Variants in ROBO1 observed in about 807,000 individuals in gnomAD.
The protein encoded by ROBO1 is roundabout guidance receptor 1.
Under a neutral mutation model 195.9 loss-of-function variants are expected in ROBO1, and 149 were observed. The ratio of observed to expected loss-of-function variants is 0.76; its 90% CI spans 0.67 to 0.87. The LOEUF (loss-of-function observed/expected upper bound fraction) is 0.87. ROBO1 is among the 40% of genes least tolerant of loss of function. ROBO1 has a pLI of 0.00. For missense variants in ROBO1, 1,933 were observed against 2,068.3 expected (o/e 0.93, Z 1.27); for synonymous variants, 816 against 733.2 (o/e 1.11, Z -1.82).
intron 28 of ROBO1, among the ~76,000 whole-genome samples, chr3:78,611,377 A>G (rs1256203581): frequency 2.0e-5 from 3 of 152,224 alleles, no homozygotes; most frequent in Non-Finnish European, 1.5e-5. Context: ...GGATGGAAAG[A>G]ATCTATTAGA....
At chr3:79,673,520 C>T (rs1303281707) in intron 1 of ROBO1, among the ~76,000 whole-genome samples, 1 of 151,876 alleles carries the variant, frequency 6.6e-6, no homozygotes, top group Non-Finnish European at 1.5e-5. Context: ...GTTTAAAGTA[C>T]CTGCCATAGG....
chr3:79,432,370 A>G (rs376242071), intron 2 of ROBO1, among the ~76,000 whole-genome samples: 40 of 152,138 alleles, frequency 2.6e-4, no homozygotes, highest in African/African-American at 9.2e-4. Flanking sequence ...GGTTGAGACA[A>G]TTTGGTTAAA....
At position 78,662,517 on chromosome 3, in the gene ROBO1, A is replaced by G. The variant is rs531977991; in HGVS notation, c.1967-403T>C. ...ACTATGCAAGACAGAAAAGAGACTG[A>G]AATTGTAGCAGAGTGGCTAAGCAAT... On this transcript the variant is annotated intron_variant, in intron 14 of 30. Transcript: ENST00000464233. Among the ~76,000 whole-genome samples the G allele has an allele frequency of 9.8e-5, 15 of 152,310 alleles. No individual in the cohort carries two copies. In the South Asian group the frequency reaches 2.9e-3, roughly 29 times the overall value.
chr3:78,835,448 G>A (rs2032624783), intron 4 of ROBO1, among the ~76,000 whole-genome samples: 1 of 152,114 alleles, frequency 6.6e-6, no homozygotes, highest in Admixed American at 6.6e-5. Context: ...AGGTTTATAA[G>A]CAACATTATT....
intron 1 of ROBO1, among the ~76,000 whole-genome samples, chr3:79,633,359 T>TTTTG (rs1156747792): frequency 1.3e-5 from 2 of 148,214 alleles, no homozygotes; most frequent in East Asian, 4.0e-4. Flanking sequence ...ATTTCTTTTT[T>TTTTG]TTTTTTTTTT....
At chr3:79,303,497 T>C (rs1268197482) in intron 2 of ROBO1, among the ~76,000 whole-genome samples, 1 of 152,112 alleles carries the variant, frequency 6.6e-6, no homozygotes, top group East Asian at 1.9e-4. Flanking sequence ...GAATACTTGA[T>C]ATACATTATC....
At chr3:79,181,104 T>G (rs1191299678) in intron 2 of ROBO1, among the ~76,000 whole-genome samples, 1 of 152,198 alleles carries the variant, frequency 6.6e-6, no homozygotes, top group Non-Finnish European at 1.5e-5. Flanking sequence ...AGTCTTCTCC[T>G]ATCCCTACTT....
chr3:78,997,814 T>C (rs972152157), intron 3 of ROBO1, among the ~76,000 whole-genome samples: 1 of 151,998 alleles, frequency 6.6e-6, no homozygotes, highest in Non-Finnish European at 1.5e-5. Flanking sequence ...GGCAGTAGGG[T>C]AAGAGGAAGA....
chr3:78,913,171 T>C (rs534406240), intron 4 of ROBO1, among the ~76,000 whole-genome samples: 9 of 152,092 alleles, frequency 5.9e-5, no homozygotes, highest in Admixed American at 5.2e-4. Flanking sequence ...ATAAATGGAG[T>C]AGAAATGTGC....
chr3:78,794,192 A>G (rs932908423), intron 4 of ROBO1, among the ~76,000 whole-genome samples: 4 of 152,186 alleles, frequency 2.6e-5, no homozygotes, highest in African/African-American at 9.6e-5. Flanking sequence ...TATCTGAGCT[A>G]GCTGTGTTAC....
At chr3:78,960,394 AT>A (rs2041273900) in intron 3 of ROBO1, among the ~76,000 whole-genome samples, 1 of 149,914 alleles carries the variant, frequency 6.7e-6, no homozygotes, top group African/African-American at 2.4e-5. Context: ...TGTATTTGTA[AT>A]ATCTATATTT....
intron 2 of ROBO1, among the ~76,000 whole-genome samples, chr3:79,480,177 C>G (rs1575886625): frequency 6.6e-6 from 1 of 152,146 alleles, no homozygotes; most frequent in African/African-American, 2.4e-5. Context: ...GCCAGAATGC[C>G]AAATACTCTC....
At chr3:79,335,325 A>C (rs2109195001) in intron 2 of ROBO1, among the ~76,000 whole-genome samples, 1 of 152,274 alleles carries the variant, frequency 6.6e-6, no homozygotes, top group East Asian at 1.9e-4. Flanking sequence ...ATATTGATAA[A>C]TAAAGTATCT....
At chr3:79,447,748 T>C (rs974688330) in intron 2 of ROBO1, among the ~76,000 whole-genome samples, 9 of 151,870 alleles carry the variant, frequency 5.9e-5, no homozygotes, top group Non-Finnish European at 8.8e-5. Flanking sequence ...CTAGATAGAG[T>C]TGTTTATTTT....
chr3:79,557,419 G>C (rs578132374), intron 2 of ROBO1, among the ~76,000 whole-genome samples: 7 of 151,934 alleles, frequency 4.6e-5, no homozygotes, highest in African/African-American at 1.4e-4. Context: ...TGACTATAAA[G>C]AATTTAAGAT....
chr3:79,598,050 A>T (rs530522185), intron 1 of ROBO1, among the ~76,000 whole-genome samples: 16 of 152,188 alleles, frequency 1.1e-4, no homozygotes, highest in African/African-American at 3.8e-4. Flanking sequence ...CACTTTCAGG[A>T]TACAGAAAAT....
At chr3:78,981,847 A>G (rs1184465050) in intron 3 of ROBO1, among the ~76,000 whole-genome samples, 1 of 151,740 alleles carries the variant, frequency 6.6e-6, no homozygotes, top group African/African-American at 2.4e-5. Flanking sequence ...ACAGTGAGGG[A>G]CTTTCCCTAG....
chr3:78,888,238 T>C (rs956535483), intron 4 of ROBO1, among the ~76,000 whole-genome samples: 2 of 152,202 alleles, frequency 1.3e-5, no homozygotes, highest in Non-Finnish European at 2.9e-5. Context: ...AACCTTGTAT[T>C]TGATTAATCA....
At chr3:78,753,278 T>C (rs966409424) in intron 4 of ROBO1, among the ~76,000 whole-genome samples, 1 of 152,194 alleles carries the variant, frequency 6.6e-6, no homozygotes, top group Non-Finnish European at 1.5e-5. Flanking sequence ...GGCCATGTTG[T>C]CTCTGGTCTT....
Sources: gnomAD v4.1 joint callset for allele counts (sites outside exome capture counted in the v4.1 genomes callset) on GRCh38, gnomAD v4.1.1 for gene constraint, MANE v1.5 for transcripts, NCBI Gene and HGNC (gene_info 2026-07-23, HGNC 2026-07-21) for gene names.